The following SET variants were observed in gnomAD, a reference collection of about 807,000 sequenced individuals.
SET encodes the protein SET nuclear proto-oncogene, also known as protein SET.
SET carries 4 observed loss-of-function variants against 39.0 expected under a neutral mutation model. The ratio of observed to expected loss-of-function variants is 0.10; its 90% CI spans 0.05 to 0.23. SET has a LOEUF of 0.23. Ranked by LOEUF, SET falls within the 10% of genes least tolerant of loss-of-function variation. The pLI is 1.00. For missense variants in SET, 137 were observed against 329.7 expected (o/e 0.42, Z 4.53); for synonymous variants, 114 against 115.9 (o/e 0.98, Z 0.11).
intron 2 of SET, 107 bp from the exon 3 acceptor site, chr9:128,691,751 T>A (rs1861543386): frequency 9.1e-7 from 1 of 1,101,192 alleles, no homozygotes; most frequent in East Asian, 2.6e-5. Flanking sequence ...TATAATTTGG[T>A]TATTTTGCAT....
rs191662433 is a variant in SET, at chr9:128,693,365, G to A, written c.493-273G>A. Among the ~76,000 whole-genome samples the A allele has an allele frequency of 5.9e-5, 9 of 152,270 alleles. No individual in the cohort carries two copies. The East Asian group carries it at 1.3e-3, about 23-fold the overall frequency. On this transcript the variant is annotated intron_variant, in intron 5 of 7. Transcript: ENST00000322030. ...CCATTTCTCAAAATCATTTACATCC[G>A]TATTTAGGTAGTAAGACATAGTTTA...
At chr9:128,685,234 T>C, upstream of SET, 1 of 1,576,934 alleles carries the variant, frequency 6.3e-7, no homozygotes. Context: ...TAAAACAACT[T>C]GTGCTTGTTT....
intron 1 of SET, chr9:128,690,036 G>C: frequency 9.8e-7 from 1 of 1,020,310 alleles, no homozygotes; most frequent in Non-Finnish European, 1.2e-6. Context: ...GGTGCGGCCG[G>C]ACGCGGCCCC....
At chr9:128,690,839 T>G in intron 1 of SET, 1 of 309,366 alleles carries the variant, frequency 3.2e-6, no homozygotes, top group South Asian at 3.5e-5. Context: ...GTGTATAATG[T>G]GAAATAATAA....
At position 128,691,155 on chromosome 9, in the gene SET, GCTC is replaced by G. The variant is rs772014683; in HGVS notation, c.74-12_74-10del. The G allele has an allele frequency of 5.0e-6, 8 of 1,588,356 alleles. No homozygotes were observed. In the African/African-American group the frequency reaches 8.1e-5, roughly 16 times the overall value. On this transcript the variant is annotated splice_polypyrimidine_tract_variant and intron_variant, in intron 1 of 7. Transcript: ENST00000322030. ...AATTTATCTTAGAATTAAGTTTTTT[GCTC>G]CTTTTTTGCAGAAAAAGAACAGCAA...
chr9:128,694,065 C>G, intron 7 of SET, 23 bp downstream of exon 7: 1 of 1,482,142 alleles, frequency 6.7e-7, no homozygotes. Flanking sequence ...TTGGCTAAAC[C>G]CACAAAGATA....
In SET at chr9:128,695,284, T is replaced by G. The variant is rs1861692930; in HGVS notation, c.*620T>G. On this transcript the variant is annotated 3_prime_UTR_variant, in exon 8 of 8. Transcript: ENST00000322030. ...GTTTAATTGTGATATTTGACAGACA[T>G]CCTTGCAGTTTAAGATGACACTTTT... 8.9e-6 allele frequency: 2 copies of G among 223,988 alleles called. No homozygotes were observed. The highest frequency in any genetic ancestry group is 5.7e-5 in the Admixed American group (1 of 17,518). The allele number at this position is 223,988 out of a possible 1,614,324, so 13.9% of individuals were successfully genotyped here.
chr9:128,692,126 C>T (rs544697684), intron 3 of SET, 126 bp downstream of exon 3: 8 of 1,140,202 alleles, frequency 7.0e-6, no homozygotes, highest in East Asian at 5.0e-5. Flanking sequence ...CGGTGGCGCA[C>T]CTGTAATCCC....
chr9:128,687,058 C>T (rs1028257152), upstream of SET, among the ~76,000 whole-genome samples: 9 of 152,126 alleles, frequency 5.9e-5, no homozygotes, highest in African/African-American at 2.2e-4. Context: ...TCACTTGCAA[C>T]AAAGTTTAGT....
Position 128,692,851 on chromosome 9 carries a change from T to C in SET, c.379-17T>C. 1.3e-6 allele frequency: 2 copies of C among 1,529,214 alleles called. No homozygotes were observed. The highest frequency in any genetic ancestry group is 1.8e-6 in the Non-Finnish European group (2 of 1,105,636). The allele number at this position is 1,529,214 out of a possible 1,614,324, so 94.7% of individuals were successfully genotyped here. A position where few individuals can be genotyped will look rare whatever the true frequency, so the allele number is the denominator to read the frequency against. On this transcript the variant is annotated splice_polypyrimidine_tract_variant and intron_variant, in intron 4 of 7. Transcript: ENST00000322030. ...AAGACCTGTTCATATTTCTAATCTTTCAATTATTTATTACAGTATTTTGAT... is the reference window on the plus strand; with the variant it reads ...AAGACCTGTTCATATTTCTAATCTTCCAATTATTTATTACAGTATTTTGAT...
intron 7 of SET, 138 bp downstream of exon 7, chr9:128,694,180 A>G: frequency 1.2e-6 from 1 of 843,132 alleles, no homozygotes; most frequent in Non-Finnish European, 1.7e-6. Context: ...TTTGTTGTTC[A>G]AGAATTAAGG....
upstream of SET, chr9:128,685,309 G>T: frequency 9.8e-7 from 1 of 1,018,824 alleles, no homozygotes; most frequent in South Asian, 1.4e-5. Flanking sequence ...GAAATCTAAG[G>T]GGAGCACTAG....
At position 128,695,810 on chromosome 9, in the gene SET, T is replaced by C. The variant is rs1375140199; in HGVS notation, c.*1146T>C. ...AGCTCAATACTCTCTGAGTACATTGTGCCCTTGATTTTTATCTCCAAGTGG... is the reference window on the plus strand; with the variant it reads ...AGCTCAATACTCTCTGAGTACATTGCGCCCTTGATTTTTATCTCCAAGTGG... On this transcript the variant is annotated 3_prime_UTR_variant, in exon 8 of 8. Transcript: ENST00000322030. 1 of 228,200 alleles carries C rather than the reference T, an allele frequency of 4.4e-6. No homozygotes were observed. Among genetic ancestry groups the C allele is most frequent in the East Asian group, 6.2e-5 (1 of 16,244 alleles). The allele number at this position is 228,200 out of a possible 1,614,324, so 14.1% of individuals were successfully genotyped here. A position where few individuals can be genotyped will look rare whatever the true frequency, so the allele number is the denominator to read the frequency against.
At chr9:128,691,485 G>C (rs1164814674) in intron 2 of SET, among the ~76,000 whole-genome samples, 3 of 151,954 alleles carry the variant, frequency 2.0e-5, no homozygotes, top group Non-Finnish European at 4.4e-5. Context: ...TCTTCTGATG[G>C]TTTAGCAGTG....
upstream of SET, among the ~76,000 whole-genome samples, chr9:128,684,315 C>T (rs1861215991): frequency 6.6e-6 from 1 of 152,076 alleles, no homozygotes. Flanking sequence ...CCTGAGGCCC[C>T]TCCTTCACCC....
intron 1 of SET, chr9:128,684,019 C>T (rs777332031): frequency 1.6e-5 from 25 of 1,526,532 alleles, no homozygotes; most frequent in Middle Eastern, 3.4e-4. Flanking sequence ...TACGTTTCTG[C>T]GCTAAGTTTT....
At chr9:128,694,398 G>C (rs1170964072) in intron 7 of SET, among the ~76,000 whole-genome samples, 1 of 152,148 alleles carries the variant, frequency 6.6e-6, no homozygotes, top group Non-Finnish European at 1.5e-5. Context: ...TTTCTGAATA[G>C]TCAAATTAGG....
Position 128,695,471 on chromosome 9 carries a change from C to T in SET, c.*807C>T, listed in dbSNP as rs1281031131. 1 of 222,094 alleles carries T rather than the reference C, an allele frequency of 4.5e-6. No individual in the cohort carries two copies. Among genetic ancestry groups the T allele is most frequent in the Admixed American group, 5.7e-5 (1 of 17,486 alleles). The allele number at this position is 222,094 out of a possible 1,614,324, so 13.8% of individuals were successfully genotyped here. On this transcript the variant is annotated 3_prime_UTR_variant, in exon 8 of 8. Transcript: ENST00000322030. ...TTCACTGGAAAGGAAAGATGATGCT[C>T]AGTTTTAAACGTTAAAAGTGTACAA...
chr9:128,692,239 A>T, intron 3 of SET: 1 of 396,572 alleles, frequency 2.5e-6, no homozygotes, highest in South Asian at 4.2e-5. Flanking sequence ...ATACAAAAAA[A>T]ATTAGCTGGG....
Sources: gnomAD v4.1 joint callset for allele counts (sites outside exome capture counted in the v4.1 genomes callset) on GRCh38, gnomAD v4.1.1 for gene constraint, MANE v1.5 for transcripts, NCBI Gene and HGNC (gene_info 2026-07-23, HGNC 2026-07-21) for gene names.